The following SCIN variants were observed in gnomAD, a reference collection of about 807,000 sequenced individuals.
SCIN encodes scinderin.
Under a neutral mutation model 91.8 loss-of-function variants are expected in SCIN, and 91 were observed. The observed-to-expected ratio is 0.99, with a 90% confidence interval of 0.84 to 1.18. SCIN has a LOEUF of 1.18. SCIN is among the 50% of genes most tolerant of loss of function. The pLI is 0.00. For synonymous variants in SCIN, 367 were observed against 312.6 expected (o/e 1.17, Z -1.84); for missense variants, 1,087 against 863.9 (o/e 1.26, Z -3.24).
chr7:12,642,808 C>T (rs112564905), intron 11 of SCIN, among the ~76,000 whole-genome samples: 15 of 151,962 alleles, frequency 9.9e-5, no homozygotes, highest in African/African-American at 3.1e-4. Flanking sequence ...CCACTCCTCT[C>T]GGGCTAGTTT....
chr7:12,649,352 T>C (rs1230259230), intron 13 of SCIN, 115 bp from the exon 14 acceptor site: 1 of 547,636 alleles, frequency 1.8e-6, no homozygotes, highest in African/African-American at 1.9e-5. Context: ...AAGAAAAAAA[T>C]TACCACCAAA....
chr7:12,571,227 C>T, intron 1 of SCIN: 1 of 553,586 alleles, frequency 1.8e-6, no homozygotes, highest in Non-Finnish European at 3.2e-6. Flanking sequence ...TGACCTTTGC[C>T]AGGTGTAGTT....
intron 4 of SCIN, among the ~76,000 whole-genome samples, chr7:12,607,787 A>C (rs1038664169): frequency 3.3e-5 from 5 of 152,340 alleles, no homozygotes; most frequent in African/African-American, 1.2e-4. Flanking sequence ...GCCTGATTAC[A>C]AGAAAGAGTA....
At chr7:12,620,278 A>T (rs1345967914) in intron 4 of SCIN, among the ~76,000 whole-genome samples, 1 of 152,082 alleles carries the variant, frequency 6.6e-6, no homozygotes, top group South Asian at 2.1e-4. Flanking sequence ...TGTAACCATC[A>T]TACTATACTT....
intron 4 of SCIN, among the ~76,000 whole-genome samples, chr7:12,607,617 C>T (rs573530410): frequency 6.6e-6 from 1 of 152,088 alleles, no homozygotes; most frequent in Non-Finnish European, 1.5e-5. Context: ...TACAAAGCAC[C>T]CACTTTGTTT....
At chr7:12,636,221 T>C (rs924858291) in intron 10 of SCIN, 86 bp downstream of exon 10, 8 of 915,006 alleles carry the variant, frequency 8.7e-6, no homozygotes, top group Admixed American at 2.4e-5. Flanking sequence ...CAAGTTGGGA[T>C]AGAAATTTGA....
intron 13 of SCIN, among the ~76,000 whole-genome samples, chr7:12,647,174 T>C (rs1401371574): frequency 1.3e-5 from 2 of 152,220 alleles, no homozygotes; most frequent in African/African-American, 4.8e-5. Context: ...TCAGTGTGTT[T>C]AAAGAAAAAA....
intron 3 of SCIN, among the ~76,000 whole-genome samples, chr7:12,592,225 G>T (rs888586956): frequency 6.6e-6 from 1 of 151,970 alleles, no homozygotes; most frequent in South Asian, 2.1e-4. Context: ...TGTTGGTAGC[G>T]ACGAGAGAGA....
intron 4 of SCIN, among the ~76,000 whole-genome samples, chr7:12,607,104 T>C (rs565694956): frequency 1.3e-5 from 2 of 152,178 alleles, no homozygotes; most frequent in African/African-American, 4.8e-5. Context: ...GTAAGAAGAG[T>C]GTTACATTAA....
intron 1 of SCIN, among the ~76,000 whole-genome samples, chr7:12,576,419 G>A (rs191960416): frequency 8.1e-4 from 122 of 150,840 alleles, no homozygotes; most frequent in Non-Finnish European, 7.2e-4. Flanking sequence ...AGTCTCATTT[G>A]AGAGTAAGAG....
chr7:12,637,665 A>T lies in SCIN; in HGVS notation c.1410+1530A>T, dbSNP rs563982088. 1.5e-4 allele frequency among the ~76,000 whole-genome samples: 23 copies of T among 152,100 alleles called. 2 individuals are homozygous for T. Among genetic ancestry groups the T allele is most frequent in the African/African-American group, 5.3e-4 (22 of 41,520 alleles). On this transcript the variant is annotated intron_variant, in intron 10 of 15. Coordinates refer to ENST00000297029, the MANE Select transcript of SCIN (RefSeq NM_001112706.3). Reference sequence around the variant, plus strand: ...GAGAAGAGGAAGGGCAAGGGAGAGGATAGTGTGAGAGGGAGGAGAGATTGA... The same window carrying T: ...GAGAAGAGGAAGGGCAAGGGAGAGGTTAGTGTGAGAGGGAGGAGAGATTGA...
At chr7:12,630,306 C>A (rs1237879177) in intron 9 of SCIN, among the ~76,000 whole-genome samples, 2 of 152,190 alleles carry the variant, frequency 1.3e-5, no homozygotes, top group East Asian at 3.9e-4. Context: ...CAGGCCCCAC[C>A]TTTGACCCAC....
intron 3 of SCIN, among the ~76,000 whole-genome samples, chr7:12,600,252 T>C (rs1782930831): frequency 6.6e-6 from 1 of 152,178 alleles, no homozygotes; most frequent in African/African-American, 2.4e-5. Context: ...AACTCAGGAA[T>C]AGAAAACCAA....
At chr7:12,647,941 A>G (rs1390258866) in intron 13 of SCIN, among the ~76,000 whole-genome samples, 2 of 152,150 alleles carry the variant, frequency 1.3e-5, no homozygotes, top group Admixed American at 6.5e-5. Flanking sequence ...CTAATATGAC[A>G]TGGCCAACGC....
At chr7:12,637,459 A>T (rs1179905476) in intron 10 of SCIN, among the ~76,000 whole-genome samples, 1 of 152,034 alleles carries the variant, frequency 6.6e-6, no homozygotes, top group African/African-American at 2.4e-5. Flanking sequence ...GATGAACAGA[A>T]ATGGGAGGGA....
At chr7:12,622,938 G>A (rs1783440431) in intron 5 of SCIN, 45 bp downstream of exon 5, 3 of 1,424,600 alleles carry the variant, frequency 2.1e-6, no homozygotes, top group South Asian at 1.2e-5. Context: ...AGTACTGGAT[G>A]TAGCTAGGGA....
intron 7 of SCIN, 190 bp from the exon 8 acceptor site, chr7:12,626,394 T>C (rs895462895): frequency 1.8e-6 from 1 of 565,292 alleles, no homozygotes; most frequent in African/African-American, 1.9e-5. Context: ...AGAACTTGAT[T>C]CTTCTCTCAA....
intron 4 of SCIN, among the ~76,000 whole-genome samples, chr7:12,613,845 G>T (rs1204347572): frequency 6.6e-6 from 1 of 152,098 alleles, no homozygotes; most frequent in Non-Finnish European, 1.5e-5. Context: ...GAAACCAATA[G>T]GAAATTCTCA....
Position 12,649,496 on chromosome 7 carries a change from G to A in SCIN, c.1911G>A (p.Gln637=). 6.2e-7 allele frequency: 1 copy of A among 1,602,840 alleles called. No individual in the cohort carries two copies. The highest frequency in any genetic ancestry group is 1.3e-5 in the African/African-American group (1 of 74,912). ...VIEEIPGEFT[Q]DDLAEDDVML... ...AAGAGATTCCAGGAGAGTTCACCCAGGATGATTTAGCTGAAGATGATGTCA... is the reference window on the plus strand; with the variant it reads ...AAGAGATTCCAGGAGAGTTCACCCAAGATGATTTAGCTGAAGATGATGTCA... Residue 637 remains glutamine, a synonymous_variant, in exon 14 of 16, where the codon CAG becomes CAA. Coordinates refer to ENST00000297029, the MANE Select transcript of SCIN (RefSeq NM_001112706.3).
Sources: gnomAD v4.1 joint callset for allele counts (sites outside exome capture counted in the v4.1 genomes callset) on GRCh38, gnomAD v4.1.1 for gene constraint, MANE v1.5 for transcripts, NCBI Gene and HGNC (gene_info 2026-07-23, HGNC 2026-07-21) for gene names.